The following MARCHF5 variants were observed in gnomAD, a reference collection of about 807,000 sequenced individuals.
The protein encoded by MARCHF5 is E3 ubiquitin-protein ligase MARCHF5.
Under a neutral mutation model 36.5 loss-of-function variants are expected in MARCHF5, and 5 were observed. The ratio of observed to expected loss-of-function variants is 0.14; its 90% CI spans 0.07 to 0.29. MARCHF5 has a LOEUF of 0.29. MARCHF5 is among the 10% of genes least tolerant of loss of function. The probability of loss-of-function intolerance (pLI) is 1.00; values close to 1 mark genes in which losing one functional copy is unlikely to be tolerated. For synonymous variants in MARCHF5, 103 were observed against 109.9 expected (o/e 0.94, Z 0.39); for missense variants, 179 against 336.3 (o/e 0.53, Z 3.66).
At chr10:92,300,851 C>G (rs1291973068) in intron 1 of MARCHF5, among the ~76,000 whole-genome samples, 1 of 151,646 alleles carries the variant, frequency 6.6e-6, no homozygotes, top group Non-Finnish European at 1.5e-5. Context: ...CTCTTCTTCT[C>G]CAGACTCATG....
chr10:92,352,909 T>G lies in MARCHF5; in HGVS notation c.*1702T>G, dbSNP rs958419100. ...TATAGGCTGTAATTATAAAATATAT[T>G]GGCTTTTGTTTTCAATGTGAAAGAT... On this transcript the variant is annotated 3_prime_UTR_variant, in exon 6 of 6. Transcript: ENST00000358935. 1.3e-5 allele frequency: 2 copies of G among 152,636 alleles called. No individual in the cohort carries two copies. The highest frequency in any genetic ancestry group is 4.8e-5 in the African/African-American group (2 of 41,444). The allele number at this position is 152,636 out of a possible 1,614,324, so 9.5% of individuals were successfully genotyped here.
At chr10:92,306,632 T>C (rs1843075555) in intron 1 of MARCHF5, among the ~76,000 whole-genome samples, 1 of 152,048 alleles carries the variant, frequency 6.6e-6, no homozygotes, top group Admixed American at 6.6e-5. Context: ...ATCGTTGAAG[T>C]AGATTAATTA....
intron 2 of MARCHF5, among the ~76,000 whole-genome samples, chr10:92,318,330 G>A (rs979088466): frequency 6.6e-6 from 1 of 151,816 alleles, no homozygotes; most frequent in Non-Finnish European, 1.5e-5. Context: ...GGAGGCTGAG[G>A]CGCTAGAATC....
At chr10:92,337,775 T>G (rs969265429) in intron 2 of MARCHF5, among the ~76,000 whole-genome samples, 10 of 152,026 alleles carry the variant, frequency 6.6e-5, no homozygotes, top group Admixed American at 3.3e-4. Context: ...GATCATCTAG[T>G]GCATAAGTGA....
At chr10:92,311,777 A>T (rs1392190259) in intron 2 of MARCHF5, among the ~76,000 whole-genome samples, 1 of 152,216 alleles carries the variant, frequency 6.6e-6, no homozygotes, top group Non-Finnish European at 1.5e-5. Flanking sequence ...ATAAGATGTG[A>T]CGTTAAACTC....
At chr10:92,327,857 T>C (rs1008537911) in intron 2 of MARCHF5, among the ~76,000 whole-genome samples, 1 of 151,934 alleles carries the variant, frequency 6.6e-6, no homozygotes, top group Non-Finnish European at 1.5e-5. Flanking sequence ...TTGAAAAAGC[T>C]AGCATAAAAG....
At chr10:92,328,822 T>TATATATATATATATATATATATA (rs1491512830) in intron 2 of MARCHF5, among the ~76,000 whole-genome samples, 1 of 52,764 alleles carries the variant, frequency 1.9e-5, no homozygotes, top group African/African-American at 5.9e-5. Context: ...TATATATATA[T>TATATATATATATATATATATATA]TTTTTTTTTT....
chr10:92,346,859 CTTG>C (rs1219202515), intron 3 of MARCHF5, among the ~76,000 whole-genome samples: 2 of 152,104 alleles, frequency 1.3e-5, no homozygotes, highest in African/African-American at 4.8e-5. Context: ...CAAACTTCCT[CTTG>C]TTCGCTCTAG....
intron 2 of MARCHF5, among the ~76,000 whole-genome samples, chr10:92,338,158 T>C (rs1843527773): frequency 6.6e-6 from 1 of 151,948 alleles, no homozygotes; most frequent in South Asian, 2.1e-4. Context: ...CACTGTACTC[T>C]AGTGTGGGTG....
chr10:92,336,546 T>C (rs1843504262), intron 2 of MARCHF5, among the ~76,000 whole-genome samples: 1 of 152,178 alleles, frequency 6.6e-6, no homozygotes. Context: ...GTATGTTATG[T>C]GATAAGTGCT....
chr10:92,338,058 C>T (rs534014679), intron 2 of MARCHF5, among the ~76,000 whole-genome samples: 26 of 151,626 alleles, frequency 1.7e-4, no homozygotes, highest in Non-Finnish European at 3.1e-4. Flanking sequence ...AGCATGGTGG[C>T]GCACATCTGT....
intron 2 of MARCHF5, among the ~76,000 whole-genome samples, chr10:92,323,220 C>A (rs531570207): frequency 6.6e-6 from 1 of 152,198 alleles, no homozygotes; most frequent in South Asian, 2.1e-4. Context: ...CTTTCTGTTT[C>A]TGTTATTTTT....
At chr10:92,298,440 A>G (rs1043742290) in intron 1 of MARCHF5, among the ~76,000 whole-genome samples, 6 of 152,162 alleles carry the variant, frequency 3.9e-5, no homozygotes, top group Admixed American at 1.3e-4. Context: ...CTACCTGCCC[A>G]GTGGACATTT....
chr10:92,294,437 C>T (rs1842926484), intron 1 of MARCHF5, among the ~76,000 whole-genome samples: 1 of 152,166 alleles, frequency 6.6e-6, no homozygotes, highest in South Asian at 2.1e-4. Flanking sequence ...CCCCCATCTA[C>T]TTTATGTTTA....
chr10:92,310,284 A>C (rs1284076845), intron 1 of MARCHF5, among the ~76,000 whole-genome samples: 1 of 152,194 alleles, frequency 6.6e-6, no homozygotes, highest in Non-Finnish European at 1.5e-5. Context: ...GGGAGGAGCG[A>C]AGGGTCTCAT....
chr10:92,306,001 G>A (rs942184131), intron 1 of MARCHF5, among the ~76,000 whole-genome samples: 2 of 152,160 alleles, frequency 1.3e-5, no homozygotes, highest in Non-Finnish European at 2.9e-5. Context: ...ACCCAACACA[G>A]TAACAAGATC....
intron 1 of MARCHF5, among the ~76,000 whole-genome samples, chr10:92,307,778 G>A (rs889605662): frequency 1.3e-5 from 2 of 151,924 alleles, no homozygotes; most frequent in African/African-American, 4.8e-5. Flanking sequence ...GGGAGGCGGA[G>A]GCATGAGAAT....
chr10:92,291,334 C>T lies in MARCHF5; in HGVS notation c.-161C>T, dbSNP rs978060300. On this transcript the variant is annotated 5_prime_UTR_variant, in exon 1 of 6. Transcript: ENST00000358935. ...CGCCGGACTCCCGCAGGCCCTGCAC[C>T]GCCGCCGCCAGGCTAGCGGAGCTGC... 5.9e-6 allele frequency: 4 copies of T among 677,468 alleles called. No homozygotes were observed. Among genetic ancestry groups the T allele is most frequent in the South Asian group, 1.7e-5 (1 of 59,804 alleles). The allele number at this position is 677,468 out of a possible 1,614,324, so 42.0% of individuals were successfully genotyped here. A position where few individuals can be genotyped will look rare whatever the true frequency, so the allele number is the denominator to read the frequency against.
Position 92,292,223 on chromosome 10 carries a change from G to T in MARCHF5, c.35+694G>T, listed in dbSNP as rs78712855. 1.1e-4 allele frequency among the ~76,000 whole-genome samples: 17 copies of T among 152,158 alleles called. No homozygotes were observed. The East Asian group carries it at 3.3e-3, about 29-fold the overall frequency. On this transcript the variant is annotated intron_variant, in intron 1 of 5. Coordinates refer to ENST00000358935, the MANE Select transcript of MARCHF5 (RefSeq NM_017824.5). ...GAGTCCAGTTGCCCATTCTTGGGGG[G>T]CCCCAGTCGGTAAAACTCTTTGTGA...
Sources: gnomAD v4.1 joint callset for allele counts (sites outside exome capture counted in the v4.1 genomes callset) on GRCh38, gnomAD v4.1.1 for gene constraint, MANE v1.5 for transcripts, NCBI Gene and HGNC (gene_info 2026-07-23, HGNC 2026-07-21) for gene names.